Variants in TEN1 observed in about 807,000 individuals in gnomAD.
TEN1 encodes CST complex subunit TEN1.
TEN1 carries 6 observed loss-of-function variants against 9.3 expected under a neutral mutation model. That is an observed-to-expected ratio of 0.65 (90% CI 0.35 to 1.27). TEN1 has a LOEUF of 1.27. TEN1 is among the 50% of genes most tolerant of loss of function. The pLI is 0.03. For missense variants in TEN1, 149 were observed against 158.2 expected, an observed-to-expected ratio of 0.94 and a Z score of 0.31; for synonymous variants, 65 against 65.6, an observed-to-expected ratio of 0.99 and a Z score of 0.04.
chr17:75,991,822 A>G (rs1458436853), intron 3 of TEN1, among the ~76,000 whole-genome samples, 199 bp downstream of exon 3: 1 of 152,146 alleles, frequency 6.6e-6, no homozygotes, highest in African/African-American at 2.4e-5. Flanking sequence ...CAACTCAAAG[A>G]CAGGGTGGCT....
chr17:75,985,640 T>G (rs997233646), intron 1 of TEN1, among the ~76,000 whole-genome samples: 2 of 152,218 alleles, frequency 1.3e-5, no homozygotes, highest in African/African-American at 4.8e-5. Flanking sequence ...TTCTCCTGCC[T>G]CAGCCTCCCA....
chr17:75,980,280 G>A (rs964055479), intron 1 of TEN1, among the ~76,000 whole-genome samples: 6 of 152,070 alleles, frequency 3.9e-5, no homozygotes, highest in Non-Finnish European at 8.8e-5. Context: ...TGGAGGTTGC[G>A]GTGAGCCAAG....
intron 2 of TEN1, 30 bp from the exon 3 acceptor site, chr17:75,991,436 G>A (rs1317165909): frequency 1.9e-6 from 3 of 1,550,616 alleles, no homozygotes; most frequent in Non-Finnish European, 1.7e-6. Context: ...ACGTATGGAT[G>A]GAAATTATTG....
chr17:76,000,507 C>CCGGGG lies in TEN1; in HGVS notation c.*247_*251dup. 5.4e-6 allele frequency: 3 copies of CCGGGG among 555,380 alleles called. No individual in the cohort carries two copies. Among genetic ancestry groups the CCGGGG allele is most frequent in the Non-Finnish European group, 9.0e-6 (3 of 333,178 alleles). The allele number at this position is 555,380 out of a possible 1,614,324, so 34.4% of individuals were successfully genotyped here. A position where few individuals can be genotyped will look rare whatever the true frequency, so the allele number is the denominator to read the frequency against. ...GACTGCAGGTGGCCGAGCTTGGGCG[C>CCGGGG]CGGGGCCGTGCTTGGTGTGGGGCCA... On this transcript the variant is annotated 3_prime_UTR_variant, in exon 4 of 4. Transcript: ENST00000397640. This position sits in a 1 kb window ranked among gnomAD's most constrained non-coding sequence, Gnocchi z 5.9.
intron 2 of TEN1, among the ~76,000 whole-genome samples, chr17:75,987,744 C>T (rs1320602057): frequency 3.3e-5 from 5 of 151,550 alleles, no homozygotes; most frequent in Middle Eastern, 3.2e-3. Flanking sequence ...TGGCGAAACC[C>T]TGTCTCTACT....
At chr17:75,982,790 A>G in intron 1 of TEN1, among the ~76,000 whole-genome samples, 1 of 151,542 alleles carries the variant, frequency 6.6e-6, no homozygotes, top group Non-Finnish European at 1.5e-5. Context: ...GGCTCACTGC[A>G]GCCTCCGCCT....
At chr17:75,994,550 T>C (rs1009540085) in intron 3 of TEN1, among the ~76,000 whole-genome samples, 1 of 150,418 alleles carries the variant, frequency 6.6e-6, no homozygotes, top group African/African-American at 2.4e-5. Flanking sequence ...TGATCTCAGC[T>C]CACTGCAACC....
chr17:75,985,755 C>T (rs1314563574), intron 1 of TEN1, among the ~76,000 whole-genome samples: 6 of 150,296 alleles, frequency 4.0e-5, no homozygotes, highest in Non-Finnish European at 7.4e-5. Flanking sequence ...AACTCCTGAC[C>T]TCAGGTGATC....
chr17:75,995,131 G>C (rs1480216689), intron 3 of TEN1, among the ~76,000 whole-genome samples: 3 of 151,892 alleles, frequency 2.0e-5, no homozygotes, highest in Non-Finnish European at 4.4e-5. Flanking sequence ...TGAGGTGGCA[G>C]GATTGCTTGA....
rs181384970 is a variant in TEN1 at position 75,986,055 on chromosome 17, T to A, written c.-6-132T>A. 1,898 of 728,182 alleles carry A rather than the reference T, an allele frequency of 2.6e-3. 22 individuals are homozygous for A. The African/African-American group carries it at 0.03, about 12-fold the overall frequency. 45.1% of individuals were successfully genotyped at this position (728,182 alleles called of 1,614,324 possible). A position where few individuals can be genotyped will look rare whatever the true frequency, so the allele number is the denominator to read the frequency against. On this transcript the variant is annotated intron_variant, in intron 1 of 3. Transcript: ENST00000397640. ...CCCTCCCCCCAAAAAATTTTTTTTT[T>A]AATTTTAAAACACTGCCTACTGGAA...
In TEN1 at chr17:75,986,388, A is replaced by C; in HGVS notation, c.92+104A>C. On this transcript the variant is annotated intron_variant, in intron 2 of 3. Transcript: ENST00000397640. ...AGAAAAGATTTTTATAACTTCATCT[A>C]ATTATGTTAAAATACTAAAAAAAAA... 3 of 1,117,102 alleles carry C rather than the reference A, an allele frequency of 2.7e-6. No individual in the cohort carries two copies. In the South Asian group the frequency reaches 5.2e-5, roughly 20 times the overall value. 69.2% of individuals were successfully genotyped at this position (1,117,102 alleles called of 1,614,324 possible). A position where few individuals can be genotyped will look rare whatever the true frequency, so the allele number is the denominator to read the frequency against.
At position 76,000,007 on chromosome 17, in the gene TEN1, A is replaced by ATG; in HGVS notation, c.251-133_251-132dup. The ATG allele has an allele frequency of 2.2e-6, 3 of 1,374,088 alleles. No homozygotes were observed. The highest frequency in any genetic ancestry group is 2.9e-6 in the Non-Finnish European group (3 of 1,030,898). 85.1% of individuals were successfully genotyped at this position (1,374,088 alleles called of 1,614,324 possible). ...AAATACTCAGTTGCCTTTGCCCCAT[A>ATG]TGCTGTTATTGTCCACATCACTTGC... On this transcript the variant is annotated intron_variant, in intron 3 of 3. Coordinates refer to ENST00000397640, the MANE Select transcript of TEN1 (RefSeq NM_001113324.3). This position sits in a 1 kb window ranked among gnomAD's most constrained non-coding sequence, Gnocchi z 5.9.
intron 3 of TEN1, among the ~76,000 whole-genome samples, chr17:75,996,400 G>A (rs1282824288): frequency 2.6e-5 from 4 of 152,046 alleles, no homozygotes; most frequent in African/African-American, 7.2e-5. Flanking sequence ...CAGGAGAATC[G>A]CTTGAAACTG....
rs2066095891 is a variant in TEN1, at chr17:75,979,402, G to A, written c.-116G>A. The stretch of plus-strand genomic sequence containing the variant: ...GAAGGTCAAGAAACTGCCCTGCTGG[G>A]CGTCCGGGGAGTGGGAAAATAAAGC... On this transcript the variant is annotated 5_prime_UTR_variant, in exon 1 of 4. Coordinates refer to ENST00000397640, the MANE Select transcript of TEN1 (RefSeq NM_001113324.3). 3 of 480,772 alleles carry A rather than the reference G, an allele frequency of 6.2e-6. No individual in the cohort carries two copies. The highest frequency in any genetic ancestry group is 2.1e-5 in the South Asian group (1 of 47,476). The allele number at this position is 480,772 out of a possible 1,614,324, so 29.8% of individuals were successfully genotyped here.
chr17:75,994,950 G>A lies in TEN1; in HGVS notation c.250+3327G>A, dbSNP rs1598216382. Among the ~76,000 whole-genome samples the A allele has an allele frequency of 2.0e-5, 3 of 152,122 alleles. No homozygotes were observed. The East Asian group carries it at 5.8e-4, about 29-fold the overall frequency. ...AAACCTCCCTGTGAAAACCAAGTGTGGTGGCTCATGCCTGTAATCTCAGCA... is the reference window on the plus strand; with the variant it reads ...AAACCTCCCTGTGAAAACCAAGTGTAGTGGCTCATGCCTGTAATCTCAGCA... On this transcript the variant is annotated intron_variant, in intron 3 of 3. Coordinates refer to ENST00000397640, the MANE Select transcript of TEN1 (RefSeq NM_001113324.3).
chr17:75,990,538 G>GA (rs951558668), intron 2 of TEN1, among the ~76,000 whole-genome samples: 137 of 140,004 alleles, frequency 9.8e-4, no homozygotes, highest in Admixed American at 2.8e-3. Flanking sequence ...AGCCCATATT[G>GA]AAAAAAAAAA....
intron 3 of TEN1, among the ~76,000 whole-genome samples, chr17:75,993,830 A>T (rs1005258104): frequency 6.6e-6 from 1 of 151,996 alleles, no homozygotes; most frequent in Non-Finnish European, 1.5e-5. Context: ...CCCCGTCTCT[A>T]CTAAAAATAC....
rs554223138 is a variant in TEN1, at chr17:75,998,174, T to C, written c.251-1967T>C. Among the ~76,000 whole-genome samples the C allele has an allele frequency of 4.6e-5, 7 of 150,664 alleles. No homozygotes were observed. The East Asian group carries it at 1.4e-3, about 29-fold the overall frequency. On this transcript the variant is annotated intron_variant, in intron 3 of 3. Transcript: ENST00000397640. Reference sequence around the variant, plus strand: ...GCCTTTTTCCTTTTTTTTTCCTTTTTTTTTTTTTTTTGAGACAGAGTCTCA... The same window carrying C: ...GCCTTTTTCCTTTTTTTTTCCTTTTCTTTTTTTTTTTGAGACAGAGTCTCA...
At chr17:75,988,931 C>T (rs1227786151) in intron 2 of TEN1, among the ~76,000 whole-genome samples, 6 of 151,856 alleles carry the variant, frequency 4.0e-5, no homozygotes, top group South Asian at 2.1e-4. Context: ...CCATCACACC[C>T]GGCTAATTTT....
Sources: allele counts gnomAD v4.1 joint callset (sites outside exome capture counted in the v4.1 genomes callset), GRCh38; gene constraint gnomAD v4.1.1; non-coding constraint Gnocchi (gnomAD v3.1); transcripts MANE v1.5; gene names NCBI Gene and HGNC (gene_info 2026-07-23, HGNC 2026-07-21).